PCDH15: variants seen among roughly 807,000 people sequenced by gnomAD.
PCDH15 encodes the protein protocadherin related 15, also known as protocadherin-15.
In PCDH15, 129 loss-of-function variants were observed where a neutral mutation model predicts 178.5. That is an observed-to-expected ratio of 0.72 (90% CI 0.63 to 0.84). The LOEUF (loss-of-function observed/expected upper bound fraction) is 0.84. PCDH15 is among the 40% of genes least tolerant of loss of function. The pLI is 0.00. For missense variants in PCDH15, 2,230 were observed against 2,099.9 expected (o/e 1.06, Z -1.21); for synonymous variants, 800 against 732.0 (o/e 1.09, Z -1.50).
chr10:54,494,977 C>G (rs2079978646), intron 3 of PCDH15, among the ~76,000 whole-genome samples: 1 of 152,098 alleles, frequency 6.6e-6, no homozygotes, highest in Non-Finnish European at 1.5e-5. Context: ...TGATAGCTTT[C>G]AACTAAAGCA....
At chr10:54,738,924 G>A (rs529835903) in intron 1 of PCDH15, among the ~76,000 whole-genome samples, 1 of 151,954 alleles carries the variant, frequency 6.6e-6, no homozygotes, top group East Asian at 1.9e-4. Flanking sequence ...AAAATAGTAA[G>A]GGCCACATCT....
intron 3 of PCDH15, among the ~76,000 whole-genome samples, chr10:54,451,327 A>G (rs1159541749): frequency 1.3e-5 from 2 of 151,934 alleles, no homozygotes; most frequent in Non-Finnish European, 1.5e-5. Flanking sequence ...ATGAAAGTCT[A>G]TAGACTTCAA....
intron 2 of PCDH15, chr10:54,600,319 A>T (rs1056813134): frequency 2.8e-5 from 15 of 541,422 alleles, no homozygotes; most frequent in African/African-American, 2.3e-4. Flanking sequence ...CAAGGAATCC[A>T]GGAAGAAAGA....
chr10:53,804,107 C>G lies in PCDH15; in HGVS notation c.*2472G>C, dbSNP rs115005745. 6.6e-6 allele frequency: 1 copy of G among 151,812 alleles called. No homozygotes were observed. Among genetic ancestry groups the G allele is most frequent in the African/African-American group, 2.4e-5 (1 of 41,394 alleles). The allele number at this position is 151,812 out of a possible 1,614,324, so 9.4% of individuals were successfully genotyped here. A position where few individuals can be genotyped will look rare whatever the true frequency, so the allele number is the denominator to read the frequency against. On this transcript the variant is annotated 3_prime_UTR_variant, in exon 38 of 38. Transcript: ENST00000644397. Reference sequence around the variant, plus strand: ...AGTTAGTAATAATTTTGCTGCTCTACGTTACCCAAAAATATACTGACCAAA... The same window carrying G: ...AGTTAGTAATAATTTTGCTGCTCTAGGTTACCCAAAAATATACTGACCAAA...
intron 3 of PCDH15, among the ~76,000 whole-genome samples, chr10:54,809,791 A>G (rs1912982): frequency 0.11 from 17,348 of 152,168 alleles, 1,308 homozygotes; most frequent in Non-Finnish European, 0.16. Context: ...ACAAAAAAAA[A>G]CTTTGTTGGA....
intron 2 of PCDH15, among the ~76,000 whole-genome samples, chr10:55,582,611 TA>T (rs1842638451): frequency 1.1e-5 from 1 of 91,876 alleles, no homozygotes; most frequent in Non-Finnish European, 2.0e-5. Context: ...TATATATATA[TA>T]TATATATATA....
At chr10:54,578,193 C>G (rs183295701) in intron 2 of PCDH15, among the ~76,000 whole-genome samples, 3 of 152,064 alleles carry the variant, frequency 2.0e-5, no homozygotes, top group Admixed American at 1.3e-4. Context: ...GCATGTAGTT[C>G]TTTAAAAAAA....
At chr10:55,610,251 A>G (rs1843338101) in intron 2 of PCDH15, among the ~76,000 whole-genome samples, 1 of 152,126 alleles carries the variant, frequency 6.6e-6, no homozygotes, top group Non-Finnish European at 1.5e-5. Context: ...TTTTCAAACT[A>G]ACTTTAATTT....
chr10:54,561,623 T>C (rs1195842758), intron 2 of PCDH15, among the ~76,000 whole-genome samples: 1 of 152,132 alleles, frequency 6.6e-6, no homozygotes, highest in Non-Finnish European at 1.5e-5. Flanking sequence ...CAAAATAGGA[T>C]ATTATCTCAC....
intron 10 of PCDH15, among the ~76,000 whole-genome samples, chr10:54,211,627 C>T (rs527491675): frequency 3.5e-4 from 53 of 152,118 alleles, no homozygotes; most frequent in African/African-American, 1.2e-3. Flanking sequence ...CAGAATTCTT[C>T]TTCAAAATGT....
chr10:54,074,081 G>GA (rs1393070286), intron 17 of PCDH15, among the ~76,000 whole-genome samples: 5 of 152,136 alleles, frequency 3.3e-5, no homozygotes, highest in African/African-American at 1.2e-4. Context: ...CAGAAGATGG[G>GA]AATGAAAGTA....
At chr10:55,238,237 C>T (rs1373169847) in intron 1 of PCDH15, among the ~76,000 whole-genome samples, 1 of 150,036 alleles carries the variant, frequency 6.7e-6, no homozygotes, top group Non-Finnish European at 1.5e-5. Context: ...GCAAGCTCTG[C>T]CTCCCAGGTT....
chr10:54,591,985 A>G (rs1386931354), intron 2 of PCDH15, among the ~76,000 whole-genome samples: 1 of 152,090 alleles, frequency 6.6e-6, no homozygotes, highest in Non-Finnish European at 1.5e-5. Flanking sequence ...GCTCCATGGA[A>G]TTTTCAATGA....
At chr10:54,958,340 T>C (rs1397343987) in intron 2 of PCDH15, among the ~76,000 whole-genome samples, 3 of 151,926 alleles carry the variant, frequency 2.0e-5, no homozygotes, top group African/African-American at 7.2e-5. Flanking sequence ...TACGTCACCA[T>C]GGTATCCCAT....
At chr10:54,722,828 C>T (rs55869239) in intron 1 of PCDH15, among the ~76,000 whole-genome samples, 18,478 of 151,456 alleles carry the variant, frequency 0.12, 1,250 homozygotes, top group African/African-American at 0.17. Flanking sequence ...CCTAGAGATA[C>T]AATTAAGCAA....
intron 2 of PCDH15, among the ~76,000 whole-genome samples, chr10:55,596,711 A>T (rs917425871): frequency 1.2e-4 from 18 of 152,198 alleles, no homozygotes; most frequent in African/African-American, 4.1e-4. Flanking sequence ...TATAATTTTT[A>T]CATTTTGATT....
At chr10:54,523,694 T>C (rs1257120037) in intron 3 of PCDH15, among the ~76,000 whole-genome samples, 2 of 152,194 alleles carry the variant, frequency 1.3e-5, no homozygotes, top group Non-Finnish European at 2.9e-5. Context: ...ACTATTTATA[T>C]CTAGCAATTG....
chr10:55,276,366 T>C (rs1842595899), intron 1 of PCDH15, among the ~76,000 whole-genome samples: 1 of 151,226 alleles, frequency 6.6e-6, no homozygotes, highest in Non-Finnish European at 1.5e-5. Context: ...CAGGAATACA[T>C]GGACTTTATG....
At chr10:54,791,082 A>C (rs1434285808) in intron 1 of PCDH15, among the ~76,000 whole-genome samples, 1 of 151,938 alleles carries the variant, frequency 6.6e-6, no homozygotes, top group African/African-American at 2.4e-5. Context: ...TTTCATGTTT[A>C]CTAATAACCT....
Sources: gnomAD v4.1 joint callset for allele counts (sites outside exome capture counted in the v4.1 genomes callset) on GRCh38, gnomAD v4.1.1 for gene constraint, MANE v1.5 for transcripts, NCBI Gene and HGNC (gene_info 2026-07-23, HGNC 2026-07-21) for gene names.